Variants in NEBL observed in about 807,000 individuals in gnomAD.
The protein encoded by NEBL is nebulette.
NEBL carries 122 observed loss-of-function variants against 140.2 expected under a neutral mutation model. The ratio of observed to expected loss-of-function variants is 0.87; its 90% CI spans 0.75 to 1.01. The LOEUF (loss-of-function observed/expected upper bound fraction) is 1.01. Ranked by LOEUF, NEBL falls within the 50% of genes least tolerant of loss-of-function variation. The probability of loss-of-function intolerance (pLI) is 0.00; values close to 1 mark genes in which losing one functional copy is unlikely to be tolerated. For missense variants in NEBL, 1,365 were observed against 1,231.3 expected, an observed-to-expected ratio of 1.11 and a Z score of -1.62; for synonymous variants, 436 against 398.9, an observed-to-expected ratio of 1.09 and a Z score of -1.11.
chr10:21,268,007 T>G (rs1842816802), intron 1 of NEBL, among the ~76,000 whole-genome samples: 1 of 152,176 alleles, frequency 6.6e-6, no homozygotes, highest in Admixed American at 6.5e-5. Context: ...TCGGACTGTG[T>G]GCAACATGAA....
At chr10:21,093,700 T>C (rs112383189) in intron 2 of NEBL, among the ~76,000 whole-genome samples, 2,175 of 152,350 alleles carry the variant, frequency 0.014, 45 homozygotes, top group African/African-American at 0.049. Flanking sequence ...CACAGATCTC[T>C]GTCTTGTTCA....
chr10:20,938,710 T>A (rs564323409), intron 4 of NEBL, among the ~76,000 whole-genome samples: 1 of 152,118 alleles, frequency 6.6e-6, no homozygotes, highest in Non-Finnish European at 1.5e-5. Context: ...GACGAATGGC[T>A]AACTAGAATA....
At chr10:20,960,084 C>T (rs1188300816) in intron 4 of NEBL, among the ~76,000 whole-genome samples, 1 of 152,018 alleles carries the variant, frequency 6.6e-6, no homozygotes, top group South Asian at 2.1e-4. Flanking sequence ...AATTAAAAGG[C>T]TTACCTTTGA....
intron 2 of NEBL, among the ~76,000 whole-genome samples, chr10:21,103,092 A>G (rs1361490861): frequency 6.6e-6 from 1 of 151,660 alleles, no homozygotes; most frequent in East Asian, 1.9e-4. Context: ...ACTGGGGAGT[A>G]TGGTATCTAA....
At chr10:20,999,833 T>C (rs1837816713) in intron 3 of NEBL, among the ~76,000 whole-genome samples, 2 of 152,132 alleles carry the variant, frequency 1.3e-5, no homozygotes, top group African/African-American at 2.4e-5. Context: ...TCCTTTAATG[T>C]CTTTCTTCTC....
chr10:20,828,133 T>C (rs186230587), intron 17 of NEBL, among the ~76,000 whole-genome samples: 1 of 151,992 alleles, frequency 6.6e-6, no homozygotes, highest in East Asian at 1.9e-4. Context: ...AATATAGAAG[T>C]TTAGAAATTT....
At chr10:20,865,070 A>T (rs1844133060) in intron 7 of NEBL, among the ~76,000 whole-genome samples, 1 of 152,196 alleles carries the variant, frequency 6.6e-6, no homozygotes, top group African/African-American at 2.4e-5. Context: ...TGTGGATTGA[A>T]TTTGAAATGT....
chr10:21,066,948 C>T (rs550666811), intron 2 of NEBL, among the ~76,000 whole-genome samples: 20 of 145,082 alleles, frequency 1.4e-4, no homozygotes, highest in African/African-American at 5.0e-4. Flanking sequence ...GCTTAAAGAC[C>T]TTTGTTTCCT....
intron 3 of NEBL, among the ~76,000 whole-genome samples, chr10:21,013,568 T>C (rs111527824): frequency 1.1e-3 from 163 of 152,292 alleles, no homozygotes; most frequent in African/African-American, 3.8e-3. Context: ...AGTCTGAAGT[T>C]GTCCAATGAG....
intron 26 of NEBL, among the ~76,000 whole-genome samples, chr10:20,803,715 CT>C (rs1837337357): frequency 6.6e-6 from 1 of 151,296 alleles, no homozygotes; most frequent in Non-Finnish European, 1.5e-5. Flanking sequence ...CAATCAGCAC[CT>C]TCTCACCAGA....
intron 2 of NEBL, among the ~76,000 whole-genome samples, chr10:21,143,270 G>A (rs1305101831): frequency 3.3e-5 from 5 of 151,794 alleles, no homozygotes; most frequent in African/African-American, 1.2e-4. Context: ...CCAACATGGC[G>A]AAACCCTGTC....
intron 2 of NEBL, among the ~76,000 whole-genome samples, chr10:21,044,397 T>TAAAAAAAAAAAAA (rs57176129): frequency 5.7e-5 from 2 of 34,866 alleles, no homozygotes; most frequent in Admixed American, 5.7e-4. Context: ...AGAGTAAGAA[T>TAAAAAAAAAAAAA]AAAAAAAAAA....
At chr10:21,042,523 C>A (rs904644272) in intron 2 of NEBL, among the ~76,000 whole-genome samples, 3 of 152,198 alleles carry the variant, frequency 2.0e-5, no homozygotes, top group African/African-American at 7.2e-5. Flanking sequence ...TATGTTACTA[C>A]GTGGTATTAT....
intron 2 of NEBL, among the ~76,000 whole-genome samples, chr10:21,060,585 T>C (rs2131876596): frequency 6.6e-6 from 1 of 152,230 alleles, no homozygotes; most frequent in South Asian, 2.1e-4. Context: ...TAAAATGGTT[T>C]TATTTATCTC....
chr10:21,128,677 C>G (rs12573237), intron 2 of NEBL, among the ~76,000 whole-genome samples: 48,330 of 151,798 alleles, frequency 0.32, 7,873 homozygotes, highest in East Asian at 0.49. Flanking sequence ...AAAGGAAGAC[C>G]AACAAGAGAA....
intron 2 of NEBL, among the ~76,000 whole-genome samples, chr10:21,156,163 G>C (rs918693122): frequency 6.6e-6 from 1 of 152,214 alleles, no homozygotes; most frequent in Non-Finnish European, 1.5e-5. Context: ...TTTATTGGGG[G>C]ACAGGAGGAA....
At chr10:21,050,604 C>T (rs1159289933) in intron 2 of NEBL, among the ~76,000 whole-genome samples, 1 of 152,128 alleles carries the variant, frequency 6.6e-6, no homozygotes, top group East Asian at 1.9e-4. Flanking sequence ...AAGTGAGGAA[C>T]GGGTGCAGCG....
chr10:20,855,125 G>C lies in NEBL; in HGVS notation c.904-2476C>G, dbSNP rs1842929289. On this transcript the variant is annotated intron_variant, in intron 9 of 27. Transcript: ENST00000377122. ...AGTAGTAGTAGTCCCAGCTACTCAG[G>C]AGGCTGAGGCAGGAGAATCGCTTGA... 2.6e-5 allele frequency among the ~76,000 whole-genome samples: 4 copies of C among 151,730 alleles called. No individual in the cohort carries two copies. In the South Asian group the frequency reaches 6.2e-4, roughly 24 times the overall value.
At chr10:21,069,496 A>G (rs1837537) in intron 2 of NEBL, among the ~76,000 whole-genome samples, 137,742 of 152,264 alleles carry the variant, frequency 0.9, 62,651 homozygotes, top group African/African-American at 0.97. Context: ...TTGACACCAC[A>G]GCGCCCGCCA....
Sources: allele counts gnomAD v4.1 joint callset (sites outside exome capture counted in the v4.1 genomes callset), GRCh38; gene constraint gnomAD v4.1.1; transcripts MANE v1.5; gene names NCBI Gene and HGNC (gene_info 2026-07-23, HGNC 2026-07-21).